CCDC47: variants seen among roughly 807,000 people sequenced by gnomAD.
CCDC47 encodes PAT complex subunit CCDC47.
In CCDC47, 41 loss-of-function variants were observed where a neutral mutation model predicts 60.5. That is an observed-to-expected ratio of 0.68 (90% CI 0.53 to 0.88). CCDC47 has a LOEUF of 0.88. CCDC47 is among the 40% of genes least tolerant of loss of function. The pLI is 0.00. For missense variants in CCDC47, 513 were observed against 580.9 expected (o/e 0.88, Z 1.20); for synonymous variants, 195 against 190.7 (o/e 1.02, Z -0.18).
intron 5 of CCDC47, 55 bp downstream of exon 5, chr17:63,761,175 A>C (rs2039256455): frequency 6.2e-7 from 1 of 1,607,880 alleles, no homozygotes; most frequent in South Asian, 1.1e-5. Context: ...GCTGGGAATC[A>C]CAACTGGACA....
rs867662722 is a variant in CCDC47 at position 63,759,568 on chromosome 17, T to A, written c.735+1346A>T. On this transcript the variant is annotated intron_variant, in intron 6 of 12. Transcript: ENST00000225726. ...ATATATATATATATATATATATATATATATATATAAAACAATGATTTTCAA... is the reference window on the plus strand; with the variant it reads ...ATATATATATATATATATATATATAAATATATATAAAACAATGATTTTCAA... Among the ~76,000 whole-genome samples, 636 of 78,832 alleles carry A rather than the reference T, an allele frequency of 8.1e-3. 72 individuals carry two copies. Among genetic ancestry groups the A allele is most frequent in the African/African-American group, 0.027 (534 of 20,062 alleles). The allele number at this position is 78,832 out of a possible 152,430, so 51.7% of individuals were successfully genotyped here.
chr17:63,764,990 C>T (rs1465182576), intron 2 of CCDC47, 143 bp from the exon 3 acceptor site: 31 of 1,412,014 alleles, frequency 2.2e-5, no homozygotes, highest in Admixed American at 9.8e-5. Flanking sequence ...TTTAACAAAA[C>T]GATTGGGTAC....
At chr17:63,760,850 A>G (rs868038829) in intron 6 of CCDC47, 64 bp downstream of exon 6, 107 of 1,205,750 alleles carry the variant, frequency 8.9e-5, no homozygotes, top group Middle Eastern at 3.9e-4. Context: ...AAAAAAAAAA[A>G]AAAGAAAGAA....
At position 63,754,419 on chromosome 17, in the gene CCDC47, T is replaced by A. The variant is rs1423095505; in HGVS notation, c.1034+14A>T. 6.6e-7 allele frequency: 1 copy of A among 1,506,872 alleles called. No homozygotes were observed. The highest frequency in any genetic ancestry group is 1.4e-5 in the African/African-American group (1 of 72,434). The allele number at this position is 1,506,872 out of a possible 1,614,324, so 93.3% of individuals were successfully genotyped here. Reference sequence around the variant, plus strand: ...TGAGGAAAATTAATTTCAACAATTTTATCTTATACGTACTCTTGCATAATT... The same window carrying A: ...TGAGGAAAATTAATTTCAACAATTTAATCTTATACGTACTCTTGCATAATT... On this transcript the variant is annotated intron_variant, in intron 9 of 12. Transcript: ENST00000225726.
rs368077355 is a variant in CCDC47, at chr17:63,763,229, C to T, written c.547+787G>A. ...TGAGCCACCGCACCGGGCCAAAAAA[C>T]AGGATCCTCAAGGCTGGATGCAGTA... On this transcript the variant is annotated intron_variant, in intron 4 of 12. Coordinates refer to ENST00000225726, the MANE Select transcript of CCDC47 (RefSeq NM_020198.3). Among the ~76,000 whole-genome samples the T allele has an allele frequency of 2.6e-5, 4 of 152,140 alleles. 1 individual carries two copies. In the East Asian group the frequency reaches 7.7e-4, roughly 29 times the overall value.
rs1161033742 is a variant in CCDC47 at position 63,759,490 on chromosome 17, CAAAAAAA to C, written c.735+1417_735+1423del. 1.9e-3 allele frequency among the ~76,000 whole-genome samples: 10 copies of C among 5,374 alleles called. No homozygotes were observed. In the African/African-American group the frequency reaches 0.026, roughly 14 times the overall value. The allele number at this position is 5,374 out of a possible 152,430, so 3.5% of individuals were successfully genotyped here. ...GGTGATAGAGTGAGATTCTGTCTCC[CAAAAAAA>C]AAAAAAAAAAAATATATATATATAT... is the stretch of plus-strand genomic sequence containing the variant. On this transcript the variant is annotated intron_variant, in intron 6 of 12. Transcript: ENST00000225726.
intron 4 of CCDC47, chr17:63,761,928 T>A: frequency 1.5e-6 from 1 of 677,720 alleles, no homozygotes; most frequent in Non-Finnish European, 1.8e-6. Flanking sequence ...AGAGTATAAG[T>A]CTCTCAGAGT....
Position 63,756,545 on chromosome 17 carries a change from T to A in CCDC47, c.761A>T (p.Glu254Val). ...AGCAAATACGTAGGTATCCATGTCT[T>A]CATCATTCATGGTTACTTTTATTTG... ...QVQIKVTMND[E>V]DMDTYVFAVG... The change falls in exon 7 of 13, where the codon GAA becomes GTA. Residue 254 changes from glutamate to valine, a missense_variant. By Grantham distance (121) the Glu-to-Val change is moderately radical. Transcript: ENST00000225726. The A allele has an allele frequency of 6.2e-7, 1 of 1,613,412 alleles. No individual in the cohort carries two copies. The highest frequency in any genetic ancestry group is 8.5e-7 in the Non-Finnish European group (1 of 1,179,336).
intron 2 of CCDC47, chr17:63,765,084 GA>G (rs2039287423): frequency 8.8e-6 from 3 of 341,192 alleles, no homozygotes; most frequent in Non-Finnish European, 1.2e-5. Context: ...TTGTAGACTT[GA>G]AATCTGCTAA....
chr17:63,761,536 A>AAT, intron 4 of CCDC47, 185 bp from the exon 5 acceptor site: 1 of 429,410 alleles, frequency 2.3e-6, no homozygotes, highest in Non-Finnish European at 3.9e-6. Context: ...AAAAAAAAAA[A>AAT]ATTATAAAAA....
rs544945041 is a variant in CCDC47, at chr17:63,756,236, T to C, written c.948+4A>G. The C allele has an allele frequency of 3.7e-6, 6 of 1,603,510 alleles. No homozygotes were observed. In the South Asian group the frequency reaches 6.6e-5, roughly 18 times the overall value. ...GGCAAATGTATGTCTTCTGTCGCAT[T>C]TACCTTTGTATCCATCATTCCGTCT... is the stretch of plus-strand genomic sequence containing the variant. On this transcript the variant is annotated splice_donor_region_variant and intron_variant, in intron 8 of 12. Coordinates refer to ENST00000225726, the MANE Select transcript of CCDC47 (RefSeq NM_020198.3).
At chr17:63,757,019 G>A (rs1156618512) in intron 6 of CCDC47, among the ~76,000 whole-genome samples, 5 of 151,894 alleles carry the variant, frequency 3.3e-5, no homozygotes, top group African/African-American at 4.8e-5. Flanking sequence ...GGAGGCTGAG[G>A]CATGACTGCT....
rs529201105 is a variant in CCDC47, at chr17:63,754,076, A to G, written c.1034+357T>C. Among the ~76,000 whole-genome samples, 4 of 152,310 alleles carry G rather than the reference A, an allele frequency of 2.6e-5. No individual in the cohort carries two copies. The East Asian group carries it at 7.7e-4, about 29-fold the overall frequency. On this transcript the variant is annotated intron_variant, in intron 9 of 12. Coordinates refer to ENST00000225726, the MANE Select transcript of CCDC47 (RefSeq NM_020198.3). ...AACCAAGATTGTGCCACCGCACTCC[A>G]GCCTAGGCAACAGAGTGAGACAGCG...
At chr17:63,763,979 T>C in intron 4 of CCDC47, 37 bp downstream of exon 4, 1 of 1,535,290 alleles carries the variant, frequency 6.5e-7, no homozygotes, top group Non-Finnish European at 8.7e-7. Flanking sequence ...CAGATTGTTT[T>C]CAAGCAAGAA....
At chr17:63,748,771 G>A (rs148258668) in intron 12 of CCDC47, among the ~76,000 whole-genome samples, 1 of 151,932 alleles carries the variant, frequency 6.6e-6, no homozygotes, top group Non-Finnish European at 1.5e-5. Flanking sequence ...CTACACTTTG[G>A]GAGGCTGAGG....
chr17:63,752,362 A>C lies in CCDC47; in HGVS notation c.1161T>G (p.Ile387Met). 3.7e-6 allele frequency: 6 copies of C among 1,614,034 alleles called. No homozygotes were observed. The highest frequency in any genetic ancestry group is 5.1e-6 in the Non-Finnish European group (6 of 1,179,940). Reference sequence around the variant, plus strand: ...ACTTTTTGGCTTTATCAATAGAATAAATCACCATGTTCATCAGGGGTAGCA... The same window carrying C: ...ACTTTTTGGCTTTATCAATAGAATACATCACCATGTTCATCAGGGGTAGCA... ...EALLPLMNMV[I>M]YSIDKAKKFR... is the part of the protein sequence containing the mutation. The change falls in exon 11 of 13, where the codon ATT becomes ATG. Residue 387 changes from isoleucine to methionine, a missense_variant. Physicochemically the swap from Ile to Met is conservative, Grantham distance 10. Coordinates refer to ENST00000225726, the MANE Select transcript of CCDC47 (RefSeq NM_020198.3).
chr17:63,765,978 C>T lies in CCDC47; in HGVS notation c.198G>A (p.Glu66=). 1 of 1,614,070 alleles carries T rather than the reference C, an allele frequency of 6.2e-7. No homozygotes were observed. The highest frequency in any genetic ancestry group is 8.5e-7 in the Non-Finnish European group (1 of 1,179,982). Residue 66 remains glutamate, a synonymous_variant, in exon 2 of 13, where the codon GAG becomes GAA. Transcript: ENST00000225726. ...RVIITEDDED[E]TTVELEGQDE... ...CCTGCCCTTCCAACTCCACAGTGGT[C>T]TCATCTTCATCATCTTCAGTGATTA...
chr17:63,747,435 ATACT>A, intron 12 of CCDC47: 1 of 983,932 alleles, frequency 1.0e-6, no homozygotes, highest in African/African-American at 1.7e-5. Flanking sequence ...CCTGCACATA[ATACT>A]TAAATTCATA....
chr17:63,759,524 TA>T lies in CCDC47; in HGVS notation c.735+1389del, dbSNP rs2039236554. Among the ~76,000 whole-genome samples the T allele has an allele frequency of 3.9e-4, 2 of 5,140 alleles. 1 individual carries two copies. The highest frequency in any genetic ancestry group is 5.4e-4 in the Non-Finnish European group (2 of 3,678). The allele number at this position is 5,140 out of a possible 152,430, so 3.4% of individuals were successfully genotyped here. A position where few individuals can be genotyped will look rare whatever the true frequency, so the allele number is the denominator to read the frequency against. ...AAAAAAAAAAATATATATATATATA[TA>T]TTTATATATATATATATATATATAT... On this transcript the variant is annotated intron_variant, in intron 6 of 12. Transcript: ENST00000225726.
Sources: gnomAD v4.1 joint callset for allele counts (sites outside exome capture counted in the v4.1 genomes callset) on GRCh38, gnomAD v4.1.1 for gene constraint, MANE v1.5 for transcripts, NCBI Gene and HGNC (gene_info 2026-07-23, HGNC 2026-07-21) for gene names.